TTC6: variants seen among roughly 807,000 people sequenced by gnomAD.
TTC6 encodes the protein tetratricopeptide repeat domain 6.
In TTC6, 172 loss-of-function variants were observed where a neutral mutation model predicts 210.4. The observed-to-expected ratio is 0.82, with a 90% CI of 0.72 to 0.93. The LOEUF (loss-of-function observed/expected upper bound fraction) is 0.93. TTC6 is among the 40% of genes least tolerant of loss of function. The pLI, the probability that TTC6 is intolerant of heterozygous loss-of-function variation, is 0.00. For missense variants in TTC6, 2,414 were observed against 2,318.1 expected (o/e 1.04, Z -0.85); for synonymous variants, 804 against 819.6 (o/e 0.98, Z 0.32).
At chr14:37,761,863 G>A (rs1566936963) in intron 14 of TTC6, among the ~76,000 whole-genome samples, 1 of 152,054 alleles carries the variant, frequency 6.6e-6, no homozygotes, top group Non-Finnish European at 1.5e-5. Context: ...TATGATACAT[G>A]TATACAATCT....
chr14:37,607,391 TTGACTAGTGCTAAACCAG>T (rs569588296), intron 2 of TTC6, among the ~76,000 whole-genome samples: 17 of 152,334 alleles, frequency 1.1e-4, no homozygotes, highest in African/African-American at 3.8e-4. Context: ...CAACTCAGTC[TTGACTAGTGCTAAACCAG>T]TGACATTATT....
intron 13 of TTC6, among the ~76,000 whole-genome samples, chr14:37,751,530 A>C (rs1470338611): frequency 6.6e-6 from 1 of 152,134 alleles, no homozygotes; most frequent in African/African-American, 2.4e-5. Flanking sequence ...TGGTTAAAGA[A>C]GCCTTTGAAA....
chr14:37,782,202 A>G (rs2096056819), intron 14 of TTC6, among the ~76,000 whole-genome samples: 1 of 152,102 alleles, frequency 6.6e-6, no homozygotes, highest in Non-Finnish European at 1.5e-5. Flanking sequence ...CATTGAATCT[A>G]TAAATTACCT....
chr14:37,701,063 C>G (rs2095824387), intron 4 of TTC6, among the ~76,000 whole-genome samples: 1 of 152,030 alleles, frequency 6.6e-6, no homozygotes, highest in East Asian at 1.9e-4. Flanking sequence ...TGTTTTTAGA[C>G]TTGTTGATCC....
chr14:37,833,054 C>CA (rs35167770), intron 29 of TTC6, among the ~76,000 whole-genome samples: 16,640 of 131,598 alleles, frequency 0.13, 1,751 homozygotes, highest in African/African-American at 0.27. Flanking sequence ...GAGACTCCAT[C>CA]AAAAAAAAAA....
chr14:37,774,451 T>A (rs2096030837), intron 14 of TTC6, among the ~76,000 whole-genome samples: 1 of 152,086 alleles, frequency 6.6e-6, no homozygotes, highest in Non-Finnish European at 1.5e-5. Flanking sequence ...TCAAGTTTTT[T>A]AAGGGTTTTT....
chr14:37,610,213 G>C (rs1157103724), intron 2 of TTC6, among the ~76,000 whole-genome samples: 1 of 152,218 alleles, frequency 6.6e-6, no homozygotes, highest in Non-Finnish European at 1.5e-5. Context: ...AGTCTCCAAA[G>C]CAAGGCTGTT....
At chr14:37,786,777 T>C (rs544233387) in intron 14 of TTC6, among the ~76,000 whole-genome samples, 1 of 152,354 alleles carries the variant, frequency 6.6e-6, no homozygotes, top group African/African-American at 2.4e-5. Flanking sequence ...CCTCCCACTA[T>C]TTTTATTTCT....
At chr14:37,711,311 T>A (rs1209617900) in intron 5 of TTC6, among the ~76,000 whole-genome samples, 1 of 152,092 alleles carries the variant, frequency 6.6e-6, no homozygotes, top group East Asian at 1.9e-4. Flanking sequence ...TATGCTCTAC[T>A]GTGAAAAAGG....
rs2096082086 is a variant in TTC6, at chr14:37,792,430, G to A, written c.3708+16G>A. 6.9e-7 allele frequency: 1 copy of A among 1,450,770 alleles called. No homozygotes were observed. The highest frequency in any genetic ancestry group is 3.0e-5 in the Admixed American group (1 of 33,066). 89.9% of individuals were successfully genotyped at this position (1,450,770 alleles called of 1,614,324 possible). A position where few individuals can be genotyped will look rare whatever the true frequency, so the allele number is the denominator to read the frequency against. On this transcript the variant is annotated intron_variant, in intron 17 of 30. Coordinates refer to ENST00000553443, the Ensembl canonical transcript of TTC6. Reference sequence around the variant, plus strand: ...CTATTTTAAGGTATTTAAGGCTCGAGAACCTTGATTTTTTTAAAAAAACTT... The same window carrying A: ...CTATTTTAAGGTATTTAAGGCTCGAAAACCTTGATTTTTTTAAAAAAACTT...
At chr14:37,749,158 T>C in exon 11 of TTC6, 3 of 1,535,300 alleles carry the variant, frequency 2.0e-6, no homozygotes, top group Non-Finnish European at 8.7e-7. Flanking sequence ...AAGAGAAAGA[T>C]GATAAAATAT....
At chr14:37,751,135 A>G in exon 13 of TTC6, 1 of 1,533,488 alleles carries the variant, frequency 6.5e-7, no homozygotes, top group Non-Finnish European at 8.7e-7. Flanking sequence ...AGGCAATTAA[A>G]TCCACGCCCA....
At chr14:37,674,639 C>T (rs2095764978) in intron 1 of TTC6, among the ~76,000 whole-genome samples, 1 of 152,120 alleles carries the variant, frequency 6.6e-6, no homozygotes, top group East Asian at 1.9e-4. Flanking sequence ...TGTGCTCAAC[C>T]GCTTTATCAT....
At chr14:37,833,225 T>C (rs2096190124) in intron 29 of TTC6, among the ~76,000 whole-genome samples, 1 of 152,168 alleles carries the variant, frequency 6.6e-6, no homozygotes, top group Admixed American at 6.5e-5. Flanking sequence ...CCCCAAATAT[T>C]GTTTTATTAT....
chr14:37,669,889 T>A (rs2095755051), intron 1 of TTC6, among the ~76,000 whole-genome samples: 2 of 152,214 alleles, frequency 1.3e-5, no homozygotes, highest in Non-Finnish European at 2.9e-5. Flanking sequence ...TTAAATCCTC[T>A]GTGAGATTAG....
intron 2 of TTC6, among the ~76,000 whole-genome samples, chr14:37,680,812 G>A (rs564214329): frequency 8.0e-4 from 122 of 152,208 alleles, no homozygotes; most frequent in African/African-American, 2.7e-3. Context: ...AAAAGTGATA[G>A]CCTGATGGTC....
intron 5 of TTC6, among the ~76,000 whole-genome samples, chr14:37,712,761 A>G (rs1358864592): frequency 5.3e-5 from 8 of 152,114 alleles, no homozygotes; most frequent in Non-Finnish European, 1.0e-4. Context: ...CCCGTAATTC[A>G]ATTACCTCCC....
chr14:37,750,233 A>C (rs1595194985), intron 12 of TTC6, among the ~76,000 whole-genome samples: 1 of 152,280 alleles, frequency 6.6e-6, no homozygotes, highest in South Asian at 2.1e-4. Context: ...TGAAATCTAT[A>C]TCTTTGCTCT....
At chr14:37,736,785 C>G (rs2095902859) in intron 8 of TTC6, among the ~76,000 whole-genome samples, 1 of 152,238 alleles carries the variant, frequency 6.6e-6, no homozygotes, top group African/African-American at 2.4e-5. Context: ...GACAAAATCT[C>G]ACTCCATCTA....
Sources: gnomAD v4.1 joint callset for allele counts (sites outside exome capture counted in the v4.1 genomes callset) on GRCh38, gnomAD v4.1.1 for gene constraint, MANE v1.5 for transcripts, NCBI Gene and HGNC (gene_info 2026-07-23, HGNC 2026-07-21) for gene names.